Variants in TAOK1 observed in about 807,000 individuals in gnomAD.
TAOK1 encodes the protein serine/threonine-protein kinase TAO1.
TAOK1 carries 21 observed loss-of-function variants against 138.3 expected under a neutral mutation model. The ratio of observed to expected loss-of-function variants is 0.15; its 90% confidence interval spans 0.11 to 0.22. The LOEUF is 0.22. Ranked by LOEUF, TAOK1 falls within the 10% of genes least tolerant of loss-of-function variation. The pLI is 1.00. For missense variants in TAOK1, 651 were observed against 1,227.7 expected, an observed-to-expected ratio of 0.53 and a Z score of 7.02; for synonymous variants, 361 against 398.4, an observed-to-expected ratio of 0.91 and a Z score of 1.12.
chr17:29,488,158 T>G (rs62066619), intron 8 of TAOK1, among the ~76,000 whole-genome samples: 2,043 of 152,324 alleles, frequency 0.013, 17 homozygotes, highest in Middle Eastern at 0.031. Context: ...AAGTCTCATA[T>G]AAAACGGTGT....
At chr17:29,440,362 G>T (rs1229481108) in intron 1 of TAOK1, among the ~76,000 whole-genome samples, 1 of 152,032 alleles carries the variant, frequency 6.6e-6, no homozygotes, top group African/African-American at 2.4e-5. Flanking sequence ...GACATTACAA[G>T]AATTTTGTGT....
intron 17 of TAOK1, among the ~76,000 whole-genome samples, chr17:29,523,074 CAAAAAAAAAAA>C (rs35989910): frequency 9.0e-6 from 1 of 110,890 alleles, no homozygotes; most frequent in African/African-American, 3.5e-5. Flanking sequence ...GACCCTGTCT[CAAAAAAAAAAA>C]AAAAAAAAAT....
At chr17:29,504,210 GA>G (rs1367508989) in intron 13 of TAOK1, among the ~76,000 whole-genome samples, 1 of 142,500 alleles carries the variant, frequency 7.0e-6, no homozygotes, top group Non-Finnish European at 1.5e-5. Context: ...CCAAGAGATG[GA>G]GGTTGCAGTG....
intron 17 of TAOK1, among the ~76,000 whole-genome samples, chr17:29,525,784 C>T (rs1380337519): frequency 6.6e-6 from 1 of 152,150 alleles, no homozygotes; most frequent in Admixed American, 6.5e-5. Flanking sequence ...GGCAGGGGAT[C>T]ATGAGGTCAA....
At chr17:29,524,191 A>G (rs2031966869) in intron 17 of TAOK1, among the ~76,000 whole-genome samples, 1 of 152,218 alleles carries the variant, frequency 6.6e-6, no homozygotes, top group South Asian at 2.1e-4. Flanking sequence ...AATTAGAATT[A>G]TAATGATTTT....
At chr17:29,428,657 A>G (rs1905724146) in intron 1 of TAOK1, among the ~76,000 whole-genome samples, 2 of 152,048 alleles carry the variant, frequency 1.3e-5, no homozygotes, top group African/African-American at 2.4e-5. Context: ...ATTTTTTGAG[A>G]CAAGATCTGG....
intron 1 of TAOK1, among the ~76,000 whole-genome samples, chr17:29,431,077 T>C (rs761493228): frequency 6.6e-6 from 1 of 152,206 alleles, no homozygotes; most frequent in African/African-American, 2.4e-5. Flanking sequence ...TCTGTGTGTT[T>C]CCTTAAAGTC....
chr17:29,443,446 A>G (rs1176569612), intron 1 of TAOK1, among the ~76,000 whole-genome samples: 1 of 152,192 alleles, frequency 6.6e-6, no homozygotes, highest in African/African-American at 2.4e-5. Flanking sequence ...AATAAATTAT[A>G]TTGGATTTTA....
intron 10 of TAOK1, 97 bp downstream of exon 10, chr17:29,491,962 G>C: frequency 1.1e-6 from 1 of 891,654 alleles, no homozygotes; most frequent in South Asian, 1.5e-5. Flanking sequence ...CACGTCTCCT[G>C]CAGCCTTGAC....
intron 1 of TAOK1, among the ~76,000 whole-genome samples, chr17:29,394,728 G>A (rs1180849098): frequency 1.3e-5 from 2 of 152,162 alleles, no homozygotes; most frequent in East Asian, 3.8e-4. Context: ...GAAATGAGGA[G>A]CATTTTTGGT....
chr17:29,459,158 T>C (rs1317907764), intron 2 of TAOK1, among the ~76,000 whole-genome samples: 1 of 152,224 alleles, frequency 6.6e-6, no homozygotes, highest in Non-Finnish European at 1.5e-5. Context: ...CTCTGGCTTC[T>C]GTCTCCTCAG....
intron 1 of TAOK1, among the ~76,000 whole-genome samples, chr17:29,394,149 A>ATT (rs1904513374): frequency 7.1e-5 from 4 of 56,436 alleles, no homozygotes; most frequent in Admixed American, 2.0e-4. Flanking sequence ...ATAATTTGCC[A>ATT]GTTTTTTTTT....
intron 3 of TAOK1, among the ~76,000 whole-genome samples, chr17:29,472,425 G>A (rs975862279): frequency 6.6e-6 from 1 of 151,850 alleles, no homozygotes; most frequent in Non-Finnish European, 1.5e-5. Flanking sequence ...GCTGATTTTT[G>A]TATTATTAGT....
intron 2 of TAOK1, among the ~76,000 whole-genome samples, chr17:29,461,872 T>G (rs532127752): frequency 6.6e-6 from 1 of 152,236 alleles, no homozygotes; most frequent in South Asian, 2.1e-4. Context: ...CAAAGCAGGT[T>G]TTTTCTGTTA....
At chr17:29,520,894 C>G (rs2031903298) in intron 16 of TAOK1, among the ~76,000 whole-genome samples, 1 of 151,822 alleles carries the variant, frequency 6.6e-6, no homozygotes, top group Non-Finnish European at 1.5e-5. Context: ...CGTGGTGGCA[C>G]ATGCCTGTAG....
intron 8 of TAOK1, 89 bp from the exon 9 acceptor site, chr17:29,489,575 A>G (rs2031252589): frequency 4.9e-6 from 4 of 818,080 alleles, no homozygotes. Context: ...TCAAAATAAA[A>G]TCATTTAAAA....
At chr17:29,466,401 C>A (rs2030670074) in intron 2 of TAOK1, among the ~76,000 whole-genome samples, 2 of 152,168 alleles carry the variant, frequency 1.3e-5, no homozygotes, top group Admixed American at 1.3e-4. Flanking sequence ...GCTTCACCCT[C>A]CCAAAGTGCT....
chr17:29,454,548 T>A (rs2030326977), intron 2 of TAOK1, among the ~76,000 whole-genome samples: 1 of 152,132 alleles, frequency 6.6e-6, no homozygotes, highest in South Asian at 2.1e-4. Flanking sequence ...GATCTATAGA[T>A]CACTGTCTTA....
At chr17:29,526,816 T>TG (rs1412082194) in intron 17 of TAOK1, among the ~76,000 whole-genome samples, 6 of 57,584 alleles carry the variant, frequency 1.0e-4, no homozygotes, top group African/African-American at 3.4e-4. Flanking sequence ...AGATCTCATC[T>TG]CTTAAAAAAA....
Sources: allele counts gnomAD v4.1 joint callset (sites outside exome capture counted in the v4.1 genomes callset), GRCh38; gene constraint gnomAD v4.1.1; transcripts MANE v1.5; gene names NCBI Gene and HGNC (gene_info 2026-07-23, HGNC 2026-07-21).